Variants in RIOX2 observed in about 807,000 individuals in gnomAD.
The protein encoded by RIOX2 is ribosomal oxygenase 2.
A neutral mutation model predicts 51.2 loss-of-function variants in RIOX2; 43 were observed. That is an observed-to-expected ratio of 0.84 (90% CI 0.66 to 1.08). The LOEUF is 1.08. RIOX2 is among the 50% of genes least tolerant of loss of function. The pLI is 0.00. For missense variants in RIOX2, 566 were observed against 561.7 expected (o/e 1.01, Z -0.08); for synonymous variants, 226 against 218.5 (o/e 1.03, Z -0.30).
At chr3:97,945,761 G>A (rs1475765315) in intron 9 of RIOX2, 37 bp downstream of exon 9, 2 of 1,463,440 alleles carry the variant, frequency 1.4e-6, no homozygotes, top group Non-Finnish European at 9.5e-7. Flanking sequence ...CACCACCCAA[G>A]TCACAGGATA....
chr3:97,953,300 C>A (rs1266177044), intron 5 of RIOX2, among the ~76,000 whole-genome samples: 1 of 152,196 alleles, frequency 6.6e-6, no homozygotes, highest in African/African-American at 2.4e-5. Flanking sequence ...CTCTCAAAAC[C>A]CCTTCGATAA....
chr3:97,951,050 A>C (rs992782119), intron 5 of RIOX2, 162 bp from the exon 6 acceptor site: 1 of 585,724 alleles, frequency 1.7e-6, no homozygotes, highest in Non-Finnish European at 3.0e-6. Flanking sequence ...TCAGCATGGA[A>C]ATCTAAGACC....
chr3:97,954,234 A>T (rs1434312725), intron 5 of RIOX2, 158 bp downstream of exon 5: 2 of 604,612 alleles, frequency 3.3e-6, no homozygotes, highest in Non-Finnish European at 6.0e-6. Context: ...AGTCACATAC[A>T]TGGGACATCA....
chr3:97,955,070 G>A (rs928971037), intron 4 of RIOX2, among the ~76,000 whole-genome samples: 20 of 152,028 alleles, frequency 1.3e-4, no homozygotes, highest in Admixed American at 2.6e-4. Flanking sequence ...GATTTTATCC[G>A]CCAGTCCCCC....
In RIOX2 at chr3:97,945,123, G is replaced by GTCTT. The variant is rs2040323615; in HGVS notation, c.*57_*60dup. On this transcript the variant is annotated 3_prime_UTR_variant, in exon 10 of 10. Coordinates refer to ENST00000394198, the MANE Select transcript of RIOX2 (RefSeq NM_153182.4). ...TGAATTCATCCTCTCCTCGGCTCAG[G>GTCTT]TCTTTGCTTTTCTTTTAATATATGC... The GTCTT allele has an allele frequency of 5.5e-6, 8 of 1,459,490 alleles. No individual in the cohort carries two copies. The highest frequency in any genetic ancestry group is 7.4e-6 in the Non-Finnish European group (8 of 1,083,156). 90.4% of individuals were successfully genotyped at this position (1,459,490 alleles called of 1,614,324 possible).
chr3:97,961,071 T>A (rs1705655106), intron 3 of RIOX2, among the ~76,000 whole-genome samples: 2 of 152,200 alleles, frequency 1.3e-5, no homozygotes, highest in Non-Finnish European at 2.9e-5. Context: ...AGAGTTAAAT[T>A]TTTTTGGAAG....
At position 97,943,595 on chromosome 3, in the gene RIOX2, A is replaced by G; in HGVS notation, c.*1589T>C. 1 of 354,500 alleles carries G rather than the reference A, an allele frequency of 2.8e-6. No homozygotes were observed. 22.0% of individuals were successfully genotyped at this position (354,500 alleles called of 1,614,324 possible). On this transcript the variant is annotated 3_prime_UTR_variant, in exon 10 of 10. Transcript: ENST00000394198. ...GGTGAGCAAGTTTCCTGAAGTGTTTATTTTCTCTCATATCCACCAAACGTG... is the reference window on the plus strand; with the variant it reads ...GGTGAGCAAGTTTCCTGAAGTGTTTGTTTTCTCTCATATCCACCAAACGTG...
rs1490426392 is a variant in RIOX2, at chr3:97,972,383, G to C, written c.-42C>G. ...GCCCACGAGAGCGCCCCACTCACCCGGCACGGCCTGTTGCTCGCGGCCGCG... is the reference window on the plus strand; with the variant it reads ...GCCCACGAGAGCGCCCCACTCACCCCGCACGGCCTGTTGCTCGCGGCCGCG... On this transcript the variant is annotated splice_region_variant and 5_prime_UTR_variant, in exon 1 of 10. Transcript: ENST00000394198. 6.6e-6 allele frequency: 1 copy of C among 151,566 alleles called. No individual in the cohort carries two copies. 9.4% of individuals were successfully genotyped at this position (151,566 alleles called of 1,614,324 possible).
intron 2 of RIOX2, among the ~76,000 whole-genome samples, chr3:97,965,843 C>T (rs1055413581): frequency 2.0e-5 from 3 of 152,212 alleles, no homozygotes; most frequent in African/African-American, 4.8e-5. Flanking sequence ...TCTCAGGTTT[C>T]TAAAAACCAC....
chr3:97,945,344 T>C lies in RIOX2; in HGVS notation c.1240-2A>G. 1 of 1,607,294 alleles carries C rather than the reference T, an allele frequency of 6.2e-7. No homozygotes were observed. The highest frequency in any genetic ancestry group is 8.5e-7 in the Non-Finnish European group (1 of 1,177,248). On this transcript the variant is annotated splice_acceptor_variant, in intron 9 of 9. Transcript: ENST00000394198. LOFTEE classifies it high-confidence loss of function. ...CAAAGGGAAGCGAAGTCCATGAAAC[T>C]GAAAGGATAAATTTATTTGTCAAAA...
intron 5 of RIOX2, chr3:97,953,962 T>C (rs1450719211): frequency 6.2e-6 from 1 of 161,650 alleles, no homozygotes; most frequent in Admixed American, 5.8e-5. Flanking sequence ...CGAATAGTGG[T>C]GATGGCTGCA....
rs770043758 is a variant in RIOX2 at position 97,954,509 on chromosome 3, T to G, written c.682-14A>C. On this transcript the variant is annotated splice_polypyrimidine_tract_variant and intron_variant, in intron 4 of 9. Coordinates refer to ENST00000394198, the MANE Select transcript of RIOX2 (RefSeq NM_153182.4). ...CAAATCACCCGGCTAAAGGAAGGAA[T>G]AGGAAAGGGTAGAGAAGTTAATAAG... 3.1e-6 allele frequency: 5 copies of G among 1,601,040 alleles called. No individual in the cohort carries two copies. In the Admixed American group the frequency reaches 8.4e-5, roughly 27 times the overall value.
At position 97,942,026 on chromosome 3, in the gene RIOX2, A is replaced by T; in HGVS notation, c.*3158T>A. On this transcript the variant is annotated 3_prime_UTR_variant, in exon 10 of 10. Coordinates refer to ENST00000394198, the MANE Select transcript of RIOX2 (RefSeq NM_153182.4). ...CCAATTCACCAAATCTTTATTGAAC[A>T]TCTGTTGTCAGATGTAGACATCCTA... The T allele has an allele frequency of 3.5e-6, 1 of 282,078 alleles. No individual in the cohort carries two copies. The highest frequency in any genetic ancestry group is 5.2e-5 in the Admixed American group (1 of 19,400). The allele number at this position is 282,078 out of a possible 1,614,324, so 17.5% of individuals were successfully genotyped here.
intron 2 of RIOX2, among the ~76,000 whole-genome samples, chr3:97,964,919 G>C (rs1345293071): frequency 6.6e-6 from 1 of 151,824 alleles, no homozygotes; most frequent in Non-Finnish European, 1.5e-5. Flanking sequence ...ACTTATTATG[G>C]CTCCCTGGTT....
chr3:97,954,239 A>G, intron 5 of RIOX2, 153 bp downstream of exon 5: 1 of 608,640 alleles, frequency 1.6e-6, no homozygotes, highest in African/African-American at 1.8e-5. Context: ...CATACATGGG[A>G]CATCAAAGGA....
intron 5 of RIOX2, among the ~76,000 whole-genome samples, chr3:97,953,466 AC>A (rs1559758656): frequency 6.6e-6 from 1 of 151,038 alleles, no homozygotes; most frequent in South Asian, 2.1e-4. Flanking sequence ...TGCAACCTCC[AC>A]CTCCTGTGTT....
chr3:97,966,698 C>T (rs910916671), intron 2 of RIOX2, among the ~76,000 whole-genome samples: 10 of 152,166 alleles, frequency 6.6e-5, no homozygotes, highest in Admixed American at 6.5e-4. Context: ...AGCATGTGAT[C>T]TGGTCATGGC....
chr3:97,960,074 C>A (rs1705618454), intron 3 of RIOX2, among the ~76,000 whole-genome samples: 2 of 152,188 alleles, frequency 1.3e-5, no homozygotes, highest in Non-Finnish European at 2.9e-5. Context: ...AAAAAATGAT[C>A]TCTCAACAGT....
rs749722283 is a variant in RIOX2 at position 97,959,136 on chromosome 3, T to C, written c.596A>G (p.Tyr199Cys). Residue 199 changes from tyrosine to cysteine, a missense_variant, in exon 4 of 10, where the codon TAC becomes TGC. Coordinates refer to ENST00000394198, the MANE Select transcript of RIOX2 (RefSeq NM_153182.4). ...TCGTGCCAGGGGCACAGTGGGGTGG[T>C]AGAGGCGCCAGTGTTTCTCTCCCTC... ...QLEGEKHWRL[Y>C]HPTVPLAREY... The C allele has an allele frequency of 1.7e-5, 27 of 1,613,766 alleles. No individual in the cohort carries two copies. Among genetic ancestry groups the C allele is most frequent in the East Asian group, 2.2e-5 (1 of 44,864 alleles).
Sources: allele counts gnomAD v4.1 joint callset (sites outside exome capture counted in the v4.1 genomes callset), GRCh38; gene constraint gnomAD v4.1.1; transcripts MANE v1.5; gene names NCBI Gene and HGNC (gene_info 2026-07-23, HGNC 2026-07-21).